Variants in LONP2 observed in about 807,000 individuals in gnomAD.
LONP2 encodes lon peptidase 2, peroxisomal, also known as lon protease homolog 2, peroxisomal.
LONP2 carries 60 observed loss-of-function variants against 85.6 expected under a neutral mutation model. The observed-to-expected ratio is 0.70, with a 90% CI of 0.57 to 0.87. The LOEUF is 0.87. LONP2 is among the 40% of genes least tolerant of loss of function. The probability of loss-of-function intolerance (pLI) is 0.00; values close to 1 mark genes in which losing one functional copy is unlikely to be tolerated. For synonymous variants in LONP2, 395 were observed against 389.7 expected (o/e 1.01, Z -0.16); for missense variants, 860 against 1,063.5 (o/e 0.81, Z 2.66).
chr16:48,350,537 C>A (rs1960110962), intron 14 of LONP2, among the ~76,000 whole-genome samples: 1 of 152,192 alleles, frequency 6.6e-6, no homozygotes, highest in Non-Finnish European at 1.5e-5. Context: ...GAAGAAGGTA[C>A]TTTGAAGGAG....
chr16:48,262,984 T>A (rs1971909420), intron 6 of LONP2, 112 bp downstream of exon 6: 1 of 693,346 alleles, frequency 1.4e-6, no homozygotes, highest in Admixed American at 3.1e-5. Context: ...ATTATTTTTG[T>A]TTTCAATTTT....
chr16:48,299,786 C>G lies in LONP2; in HGVS notation c.1659C>G (p.Thr553=), dbSNP rs1170573005. ...IPQVTTLDII[T]RYTREAGVRS... ...AGGTCACCACTCTTGACATCATCAC[C>G]AGGTTAGTTAGCCATCCTGAGGCTT... The change falls in exon 10 of 15, where the codon ACC becomes ACG. Residue 553 remains threonine (T), a splice_region_variant and synonymous_variant. Coordinates refer to ENST00000285737, the MANE Select transcript of LONP2 (RefSeq NM_031490.5). 2.5e-6 allele frequency: 4 copies of G among 1,608,768 alleles called. No homozygotes were observed. Among genetic ancestry groups the G allele is most frequent in the African/African-American group, 1.3e-5 (1 of 74,612 alleles).
At chr16:48,249,026 G>T (rs1471618956) in intron 1 of LONP2, among the ~76,000 whole-genome samples, 2 of 151,880 alleles carry the variant, frequency 1.3e-5, no homozygotes, top group Non-Finnish European at 2.9e-5. Flanking sequence ...TCTTAAATAT[G>T]TTTGGAACTC....
chr16:48,263,418 C>T (rs914247066), intron 6 of LONP2, among the ~76,000 whole-genome samples: 6 of 152,140 alleles, frequency 3.9e-5, no homozygotes, highest in Non-Finnish European at 8.8e-5. Flanking sequence ...TTTTAGATTC[C>T]ACATGCATTA....
chr16:48,328,540 T>C (rs1001696498), intron 11 of LONP2, among the ~76,000 whole-genome samples: 1 of 151,960 alleles, frequency 6.6e-6, no homozygotes, highest in East Asian at 1.9e-4. Flanking sequence ...TAGCCAGGCA[T>C]GGTGACGTGT....
rs114796454 is a variant in LONP2, at chr16:48,251,949, A to G, written c.234-182A>G. 6.2e-3 allele frequency among the ~76,000 whole-genome samples: 951 copies of G among 152,324 alleles called. 6 individuals are homozygous for G. Among genetic ancestry groups the G allele is most frequent in the African/African-American group, 0.022 (906 of 41,568 alleles). On this transcript the variant is annotated intron_variant, in intron 1 of 14. Coordinates refer to ENST00000285737, the MANE Select transcript of LONP2 (RefSeq NM_031490.5). ...AGTGAGATGGTCTGCTTTGCCATAT[A>G]GCTGAGGGTAGTGGCAGAAGAGGCC... is the stretch of plus-strand genomic sequence containing the variant.
At chr16:48,323,864 T>C (rs1413282473) in intron 11 of LONP2, among the ~76,000 whole-genome samples, 2 of 152,150 alleles carry the variant, frequency 1.3e-5, no homozygotes, top group African/African-American at 2.4e-5. Context: ...TGAAGGTTCT[T>C]CTGGGCATTT....
intron 1 of LONP2, among the ~76,000 whole-genome samples, chr16:48,247,795 A>G (rs1243434694): frequency 2.0e-5 from 3 of 152,170 alleles, no homozygotes; most frequent in African/African-American, 7.2e-5. Flanking sequence ...TTCAGGGTAC[A>G]TGGCTTCATT....
intron 7 of LONP2, among the ~76,000 whole-genome samples, chr16:48,271,246 A>G (rs986781932): frequency 2.6e-5 from 4 of 152,218 alleles, no homozygotes; most frequent in South Asian, 4.1e-4. Flanking sequence ...TCAGATTTGC[A>G]TGTTGCATTC....
chr16:48,270,324 G>T, intron 7 of LONP2, 50 bp downstream of exon 7: 2 of 1,589,424 alleles, frequency 1.3e-6, no homozygotes, highest in South Asian at 1.1e-5. Flanking sequence ...CTTTTTAATT[G>T]ACTAGAGCTC....
At chr16:48,265,024 G>C (rs1971961475) in intron 6 of LONP2, among the ~76,000 whole-genome samples, 1 of 151,964 alleles carries the variant, frequency 6.6e-6, no homozygotes, top group East Asian at 1.9e-4. Flanking sequence ...TTGTGGTTTT[G>C]ATTTGCATTT....
chr16:48,253,751 A>G (rs1971700709), intron 2 of LONP2, among the ~76,000 whole-genome samples: 1 of 152,086 alleles, frequency 6.6e-6, no homozygotes, highest in Non-Finnish European at 1.5e-5. Context: ...ACTTGTAAAG[A>G]TTTTGCAGTG....
intron 7 of LONP2, among the ~76,000 whole-genome samples, chr16:48,274,893 T>G (rs1972175020): frequency 6.6e-6 from 1 of 152,184 alleles, no homozygotes; most frequent in Admixed American, 6.5e-5. Flanking sequence ...AAATTTTATT[T>G]TAACAGTTTG....
intron 2 of LONP2, among the ~76,000 whole-genome samples, chr16:48,253,006 G>A (rs551290335): frequency 6.6e-6 from 1 of 152,206 alleles, no homozygotes; most frequent in South Asian, 2.1e-4. Context: ...GTTTAATCCA[G>A]TGACTATAAC....
chr16:48,301,422 C>G (rs1470285701), intron 10 of LONP2, among the ~76,000 whole-genome samples: 1 of 152,162 alleles, frequency 6.6e-6, no homozygotes, highest in African/African-American at 2.4e-5. Flanking sequence ...CTCACTGCAG[C>G]CTCTGCCTCC....
intron 7 of LONP2, among the ~76,000 whole-genome samples, chr16:48,276,754 A>G (rs1247328287): frequency 6.6e-6 from 1 of 152,210 alleles, no homozygotes; most frequent in African/African-American, 2.4e-5. Flanking sequence ...TCTGATATAA[A>G]TACTGTTGAC....
chr16:48,317,779 A>G (rs1973175878), intron 11 of LONP2, among the ~76,000 whole-genome samples: 1 of 152,244 alleles, frequency 6.6e-6, no homozygotes, highest in South Asian at 2.1e-4. Context: ...GATGTCAGTG[A>G]TGACAGGCCT....
intron 11 of LONP2, among the ~76,000 whole-genome samples, chr16:48,304,182 A>G (rs1393986880): frequency 2.0e-5 from 3 of 152,218 alleles, no homozygotes; most frequent in Non-Finnish European, 4.4e-5. Context: ...TCTTTAAATA[A>G]TTTATAACAT....
At chr16:48,285,183 G>C (rs771586505) in intron 8 of LONP2, among the ~76,000 whole-genome samples, 3 of 151,938 alleles carry the variant, frequency 2.0e-5, no homozygotes, top group Admixed American at 1.3e-4. Flanking sequence ...TCTGGTCTCT[G>C]TGGTTTCTGC....
Sources: allele counts gnomAD v4.1 joint callset (sites outside exome capture counted in the v4.1 genomes callset), GRCh38; gene constraint gnomAD v4.1.1; transcripts MANE v1.5; gene names NCBI Gene and HGNC (gene_info 2026-07-23, HGNC 2026-07-21).